Variants in KIF16B observed in about 807,000 individuals in gnomAD.
The protein encoded by KIF16B is kinesin-like protein KIF16B.
Under a neutral mutation model 156.3 loss-of-function variants are expected in KIF16B, and 98 were observed. The ratio of observed to expected loss-of-function variants is 0.63; its 90% CI spans 0.53 to 0.74. The LOEUF is 0.74. KIF16B is among the 30% of genes least tolerant of loss of function. The pLI is 0.00. For synonymous variants in KIF16B, 564 were observed against 583.7 expected (o/e 0.97, Z 0.49); for missense variants, 1,421 against 1,606.5 (o/e 0.88, Z 1.97).
intron 25 of KIF16B, among the ~76,000 whole-genome samples, chr20:16,306,404 A>G (rs1371037691): frequency 6.6e-6 from 1 of 152,188 alleles, no homozygotes. Flanking sequence ...AATCTGGAAG[A>G]TAATGATCCT....
chr20:16,364,512 G>C (rs2064617506), intron 22 of KIF16B, among the ~76,000 whole-genome samples: 1 of 152,210 alleles, frequency 6.6e-6, no homozygotes, highest in Non-Finnish European at 1.5e-5. Flanking sequence ...GGTGCTGTAG[G>C]CTTAGAACTC....
chr20:16,306,700 A>G (rs925939654), intron 25 of KIF16B, among the ~76,000 whole-genome samples: 1 of 152,122 alleles, frequency 6.6e-6, no homozygotes, highest in Admixed American at 6.6e-5. Context: ...CCTGGCTCTT[A>G]AAACAGCTCT....
rs577222914 is a variant in KIF16B at position 16,331,194 on chromosome 20, T to G, written c.3711+4732A>C. Among the ~76,000 whole-genome samples, 53 of 152,344 alleles carry G rather than the reference T, an allele frequency of 3.5e-4. No homozygotes were observed. The South Asian group carries it at 7.5e-3, about 21-fold the overall frequency. On this transcript the variant is annotated intron_variant, in intron 24 of 25. Coordinates refer to ENST00000354981, the MANE Select transcript of KIF16B (RefSeq NM_024704.5). ...GTTAGATTAAGAAGAACTTTCACAT[T>G]CCATGTATATATTGTTGAATAATGT...
intron 4 of KIF16B, among the ~76,000 whole-genome samples, chr20:16,514,146 T>G (rs2069055499): frequency 6.6e-6 from 1 of 152,124 alleles, no homozygotes; most frequent in African/African-American, 2.4e-5. Context: ...AATGTTTGAC[T>G]TACATAAAAT....
Position 16,469,909 on chromosome 20 carries a change from C to T in KIF16B, c.1302+24382G>A, listed in dbSNP as rs148729476. Among the ~76,000 whole-genome samples, 45 of 152,064 alleles carry T rather than the reference C, an allele frequency of 3.0e-4. No homozygotes were observed. In the East Asian group the frequency reaches 7.9e-3, roughly 27 times the overall value. ...GGAGCTTTACTCATAATTGCCAAATCGTGGAAGCAACCCAAAAGCAGGTGA... is the reference window on the plus strand; with the variant it reads ...GGAGCTTTACTCATAATTGCCAAATTGTGGAAGCAACCCAAAAGCAGGTGA... On this transcript the variant is annotated intron_variant, in intron 12 of 25. Transcript: ENST00000354981.
Position 16,312,348 on chromosome 20 carries a change from C to A in KIF16B, c.3782G>T (p.Arg1261Leu), listed in dbSNP as rs149140715. Residue 1261 changes from arginine to leucine, a missense_variant, in exon 25 of 26, where the codon CGA (arginine) becomes CTA (leucine). Transcript: ENST00000354981. ...TAATTCTGTTACCTCTAAGTGACTT[C>A]GTCTCTCAGCAATCACACGTTCATC... ...NKDERVIAERRSHLEKYLRDF... is the reference protein window; with the variant it reads ...NKDERVIAERLSHLEKYLRDF... 2 of 1,612,586 alleles carry A rather than the reference C, an allele frequency of 1.2e-6. No homozygotes were observed. Among genetic ancestry groups the A allele is most frequent in the African/African-American group, 2.7e-5 (2 of 74,904 alleles).
At chr20:16,462,052 C>T (rs933173683) in intron 12 of KIF16B, among the ~76,000 whole-genome samples, 7 of 152,100 alleles carry the variant, frequency 4.6e-5, no homozygotes, top group Admixed American at 2.6e-4. Flanking sequence ...AGTTCGAGAC[C>T]AGCCTGGCCA....
At chr20:16,404,060 G>T (rs766388975) in intron 17 of KIF16B, among the ~76,000 whole-genome samples, 10 of 152,180 alleles carry the variant, frequency 6.6e-5, no homozygotes, top group Non-Finnish European at 1.2e-4. Flanking sequence ...GATTCAAGGT[G>T]CTTAACATAG....
intron 24 of KIF16B, among the ~76,000 whole-genome samples, chr20:16,321,532 C>A (rs2063772902): frequency 6.6e-6 from 1 of 152,018 alleles, no homozygotes; most frequent in Non-Finnish European, 1.5e-5. Context: ...TTCTGAAATT[C>A]TATAACTCAG....
At chr20:16,306,838 G>C (rs373762903) in intron 25 of KIF16B, among the ~76,000 whole-genome samples, 2 of 152,272 alleles carry the variant, frequency 1.3e-5, no homozygotes, top group South Asian at 4.1e-4. Flanking sequence ...CTTTGTACCA[G>C]ATTCCGTGTT....
At chr20:16,396,648 CTTTTTT>C (rs11476845) in intron 17 of KIF16B, among the ~76,000 whole-genome samples, 2 of 124,674 alleles carry the variant, frequency 1.6e-5, no homozygotes, top group African/African-American at 5.7e-5. Flanking sequence ...ACTGTAGTCG[CTTTTTT>C]TTTTTTTTTT....
intron 17 of KIF16B, among the ~76,000 whole-genome samples, chr20:16,402,519 G>T (rs533836598): frequency 2.6e-5 from 4 of 152,324 alleles, no homozygotes; most frequent in African/African-American, 9.6e-5. Context: ...AAGGGACATT[G>T]ATTTTTGGTT....
intron 24 of KIF16B, among the ~76,000 whole-genome samples, chr20:16,330,036 A>C (rs2063920891): frequency 6.6e-6 from 1 of 152,160 alleles, no homozygotes; most frequent in Non-Finnish European, 1.5e-5. Context: ...TAAAACAAGG[A>C]CTAAATTTTC....
chr20:16,434,255 C>T (rs2066581927), intron 12 of KIF16B, among the ~76,000 whole-genome samples: 1 of 152,176 alleles, frequency 6.6e-6, no homozygotes. Flanking sequence ...CTCACTTCTG[C>T]CCCTTCCGGT....
chr20:16,344,286 T>C (rs1430674919), intron 23 of KIF16B, among the ~76,000 whole-genome samples: 1 of 152,234 alleles, frequency 6.6e-6, no homozygotes, highest in African/African-American at 2.4e-5. Context: ...CAACACCCCA[T>C]TAATCACATC....
intron 15 of KIF16B, among the ~76,000 whole-genome samples, chr20:16,419,425 T>C (rs1219560244): frequency 6.6e-6 from 1 of 152,140 alleles, no homozygotes; most frequent in South Asian, 2.1e-4. Flanking sequence ...TCTTTTTTAA[T>C]TTGTCAGCGA....
At chr20:16,430,283 C>T (rs1319834354) in intron 12 of KIF16B, among the ~76,000 whole-genome samples, 49 of 152,184 alleles carry the variant, frequency 3.2e-4, no homozygotes, top group Admixed American at 3.2e-3. Context: ...AACTTTCTCA[C>T]TCTTCAGAGC....
At position 16,378,857 on chromosome 20, in the gene KIF16B, G is replaced by A; in HGVS notation, c.3145C>T (p.Leu1049Phe). Residue 1049 changes from leucine (L) to phenylalanine (F), a missense_variant, in exon 19 of 26, where the codon CTC becomes TTC. Coordinates refer to ENST00000354981, the MANE Select transcript of KIF16B (RefSeq NM_024704.5). Reference sequence around the variant, plus strand: ...TGCTCAGCCTCCAGGCTAGCCTGGAGCCCTGACTGCTCTCTGCTGCCACTG... The same window carrying A: ...TGCTCAGCCTCCAGGCTAGCCTGGAACCCTGACTGCTCTCTGCTGCCACTG... ...LNSGSREQSG[L>F]QASLEAEQEA... The A allele has an allele frequency of 6.2e-7, 1 of 1,613,964 alleles. No individual in the cohort carries two copies. Among genetic ancestry groups the A allele is most frequent in the South Asian group, 1.1e-5 (1 of 91,048 alleles).
chr20:16,507,808 A>C, intron 7 of KIF16B, 150 bp downstream of exon 7: 2 of 751,288 alleles, frequency 2.7e-6, no homozygotes, highest in Non-Finnish European at 2.2e-6. Context: ...AGCGCACAGC[A>C]CATGTTCAAC....
Sources: allele counts gnomAD v4.1 joint callset (sites outside exome capture counted in the v4.1 genomes callset), GRCh38; gene constraint gnomAD v4.1.1; transcripts MANE v1.5; gene names NCBI Gene and HGNC (gene_info 2026-07-23, HGNC 2026-07-21).